NELL1: variants seen among roughly 807,000 people sequenced by gnomAD.
NELL1 encodes the protein neural EGFL like 1.
Under a neutral mutation model 107.4 loss-of-function variants are expected in NELL1, and 76 were observed. The observed-to-expected ratio is 0.71, with a 90% CI of 0.59 to 0.86. The LOEUF (loss-of-function observed/expected upper bound fraction) is 0.86. Among genes scored for constraint, NELL1 ranks in the 40% least tolerant of loss-of-function variants. NELL1 has a pLI of 0.00. For missense variants in NELL1, 1,024 were observed against 1,005.5 expected, an observed-to-expected ratio of 1.02 and a Z score of -0.25; for synonymous variants, 353 against 341.2, an observed-to-expected ratio of 1.03 and a Z score of -0.38.
Position 21,337,560 on chromosome 11 carries a change from C to A in NELL1, c.1550-33293C>A, listed in dbSNP as rs529676793. Among the ~76,000 whole-genome samples, 7 of 152,280 alleles carry A rather than the reference C, an allele frequency of 4.6e-5. No homozygotes were observed. In the East Asian group the frequency reaches 1.4e-3, roughly 29 times the overall value. ...GGCCCCTGTCACTTCTGCTCATAGC[C>A]CATTGGCTAGAATTAGTCACATGGC... On this transcript the variant is annotated intron_variant, in intron 14 of 19. Transcript: ENST00000357134.
intron 11 of NELL1, among the ~76,000 whole-genome samples, chr11:20,953,237 A>G (rs1019715464): frequency 1.8e-4 from 27 of 152,176 alleles, no homozygotes; most frequent in African/African-American, 5.5e-4. Context: ...AGGACTCTGG[A>G]GTGCACTTTG....
At chr11:20,702,246 T>C (rs1331807898) in intron 2 of NELL1, among the ~76,000 whole-genome samples, 2 of 152,222 alleles carry the variant, frequency 1.3e-5, no homozygotes, top group East Asian at 3.8e-4. Context: ...ATTGGATTCC[T>C]AGGTATTTTA....
At chr11:20,779,091 A>G (rs1326138932) in intron 2 of NELL1, among the ~76,000 whole-genome samples, 1 of 152,180 alleles carries the variant, frequency 6.6e-6, no homozygotes, top group African/African-American at 2.4e-5. Context: ...TCTATTGGAA[A>G]TACTCAGAAG....
intron 16 of NELL1, among the ~76,000 whole-genome samples, chr11:21,541,577 T>C (rs1026980438): frequency 3.3e-5 from 5 of 152,058 alleles, no homozygotes; most frequent in African/African-American, 1.2e-4. Context: ...AAAAATGCTC[T>C]CAGTGACAAA....
chr11:20,786,101 G>A (rs4923043), intron 3 of NELL1, among the ~76,000 whole-genome samples: 42,336 of 149,386 alleles, frequency 0.28, 6,774 homozygotes, highest in African/African-American at 0.42. Flanking sequence ...CTGTAATCCC[G>A]GCACTTTGGG....
intron 14 of NELL1, among the ~76,000 whole-genome samples, chr11:21,289,731 A>G (rs1160350648): frequency 6.6e-6 from 1 of 152,174 alleles, no homozygotes; most frequent in Non-Finnish European, 1.5e-5. Flanking sequence ...TTCCACCCCT[A>G]CGGAGCCCAA....
chr11:20,870,011 G>GA lies in NELL1; in HGVS notation c.507-15429dup, dbSNP rs58156964. Among the ~76,000 whole-genome samples, 804 of 152,306 alleles carry GA rather than the reference G, an allele frequency of 5.3e-3. 8 individuals are homozygous for GA. The highest frequency in any genetic ancestry group is 0.019 in the African/African-American group (777 of 41,574). On this transcript the variant is annotated intron_variant, in intron 4 of 19. Transcript: ENST00000357134. ...GTAGCTGGATCAATGGAAAGATGTGGAAAATCAGTAAACATTCAGGTGACT... is the reference window on the plus strand; with the variant it reads ...GTAGCTGGATCAATGGAAAGATGTGGAAAAATCAGTAAACATTCAGGTGACT...
chr11:21,454,041 T>C (rs1409891519), intron 15 of NELL1, among the ~76,000 whole-genome samples: 6 of 146,724 alleles, frequency 4.1e-5, no homozygotes, highest in Non-Finnish European at 9.0e-5. Context: ...ACTTGTCATC[T>C]AGCATTAGGT....
At chr11:20,952,210 A>G (rs1296379581) in intron 11 of NELL1, among the ~76,000 whole-genome samples, 1 of 152,144 alleles carries the variant, frequency 6.6e-6, no homozygotes, top group Admixed American at 6.5e-5. Flanking sequence ...AATGTTGCCA[A>G]TGACGTTGGA....
intron 12 of NELL1, among the ~76,000 whole-genome samples, chr11:20,966,437 A>C (rs1851388761): frequency 6.6e-6 from 1 of 152,126 alleles, no homozygotes; most frequent in Non-Finnish European, 1.5e-5. Context: ...AGAGATCAAA[A>C]GCCTCTTCTG....
intron 15 of NELL1, among the ~76,000 whole-genome samples, chr11:21,454,555 A>C (rs1186490613): frequency 3.9e-5 from 6 of 152,242 alleles, no homozygotes; most frequent in Admixed American, 1.3e-4. Flanking sequence ...ATACAAGATT[A>C]TCTTTTAAAA....
intron 17 of NELL1, among the ~76,000 whole-genome samples, chr11:21,564,525 T>C (rs1453263628): frequency 6.6e-6 from 1 of 151,998 alleles, no homozygotes; most frequent in Non-Finnish European, 1.5e-5. Context: ...TGTACACTTA[T>C]ACCTATACTA....
rs34327396 is a variant in NELL1 at position 20,921,796 on chromosome 11, G to GTTTTTTTTTTTTTTTTT, written c.759+2463_759+2464insTTTTTTTTTTTTTTTTT. Among the ~76,000 whole-genome samples, 2 of 137,146 alleles carry GTTTTTTTTTTTTTTTTT rather than the reference G, an allele frequency of 1.5e-5. 1 individual carries two copies. The allele number at this position is 137,146 out of a possible 152,430, so 90.0% of individuals were successfully genotyped here. ...GAGCAAGGTCTCTTTTTTATTGTGT[G>GTTTTTTTTTTTTTTTTT]TGTTTTTTTTTTTTTTTTAAGAACA... On this transcript the variant is annotated intron_variant, in intron 7 of 19. Coordinates refer to ENST00000357134, the MANE Select transcript of NELL1 (RefSeq NM_006157.5).
At chr11:21,134,570 A>G (rs1855700921) in intron 13 of NELL1, among the ~76,000 whole-genome samples, 1 of 152,172 alleles carries the variant, frequency 6.6e-6, no homozygotes, top group African/African-American at 2.4e-5. Context: ...CTTATTCCAC[A>G]GCAAATATTT....
rs143881862 is a variant in NELL1, at chr11:20,826,253, C to T, written c.336-21330C>T. Among the ~76,000 whole-genome samples, 290 of 151,198 alleles carry T rather than the reference C, an allele frequency of 1.9e-3. 7 individuals are homozygous for T. The highest frequency in any genetic ancestry group is 7.0e-3 in the Middle Eastern group (2 of 286). ...AGTTTATGTGACAACTTTACAGGAC[C>T]GAGAAACTAGGTTCTTCTATATTAT... On this transcript the variant is annotated intron_variant, in intron 3 of 19. Transcript: ENST00000357134.
intron 14 of NELL1, among the ~76,000 whole-genome samples, chr11:21,241,655 TTGG>T (rs1310899957): frequency 1.3e-5 from 2 of 152,120 alleles, no homozygotes; most frequent in Admixed American, 1.3e-4. Flanking sequence ...CCATCAGATA[TTGG>T]TGGAATGTTT....
At chr11:21,445,499 T>C (rs1256714651) in intron 15 of NELL1, among the ~76,000 whole-genome samples, 1 of 152,002 alleles carries the variant, frequency 6.6e-6, no homozygotes, top group Non-Finnish European at 1.5e-5. Flanking sequence ...GCTAATTTTG[T>C]ATTTTTAGTA....
rs1852061874 is a variant in NELL1, at chr11:20,995,164, T to A, written c.1300+34604T>A. On this transcript the variant is annotated intron_variant, in intron 12 of 19. Coordinates refer to ENST00000357134, the MANE Select transcript of NELL1 (RefSeq NM_006157.5). The stretch of plus-strand genomic sequence containing the variant: ...TCCTAATTGCTGCAGAGAAAATTGA[T>A]CACATTAGGTATAGTGTGTGTGACT... Among the ~76,000 whole-genome samples the A allele has an allele frequency of 2.0e-5, 3 of 152,262 alleles. No individual in the cohort carries two copies. In the South Asian group the frequency reaches 6.2e-4, roughly 32 times the overall value.
At chr11:20,848,552 GT>G (rs201817314) in intron 4 of NELL1, among the ~76,000 whole-genome samples, 38 of 151,488 alleles carry the variant, frequency 2.5e-4, no homozygotes, top group Non-Finnish European at 4.4e-4. Flanking sequence ...CAATTACAGA[GT>G]TTTTTTTTGC....
Sources: allele counts gnomAD v4.1 joint callset (sites outside exome capture counted in the v4.1 genomes callset), GRCh38; gene constraint gnomAD v4.1.1; transcripts MANE v1.5; gene names NCBI Gene and HGNC (gene_info 2026-07-23, HGNC 2026-07-21).